The following HHAT variants were observed in gnomAD, a reference collection of about 807,000 sequenced individuals.
HHAT encodes protein-cysteine N-palmitoyltransferase HHAT.
Under a neutral mutation model 70.8 loss-of-function variants are expected in HHAT, and 47 were observed. The observed-to-expected ratio is 0.66, with a 90% CI of 0.53 to 0.85. HHAT has a LOEUF of 0.85. Among genes scored for constraint, HHAT ranks in the 40% least tolerant of loss-of-function variants. The pLI is 0.00. For missense variants in HHAT, 609 were observed against 604.8 expected, an observed-to-expected ratio of 1.01 and a Z score of -0.07; for synonymous variants, 228 against 247.6, an observed-to-expected ratio of 0.92 and a Z score of 0.74.
At chr1:210,457,408 A>G (rs1163413732) in intron 7 of HHAT, among the ~76,000 whole-genome samples, 1 of 152,226 alleles carries the variant, frequency 6.6e-6, no homozygotes, top group Non-Finnish European at 1.5e-5. Flanking sequence ...AATCTAGAGT[A>G]GGTTTGATGT....
intron 9 of HHAT, among the ~76,000 whole-genome samples, chr1:210,542,511 A>ATG (rs2095441421): frequency 6.6e-6 from 1 of 151,634 alleles, no homozygotes; most frequent in Non-Finnish European, 1.5e-5. Context: ...ATATATATAT[A>ATG]TATTGGTTGG....
intron 7 of HHAT, among the ~76,000 whole-genome samples, chr1:210,456,292 G>A (rs756161921): frequency 8.5e-5 from 13 of 152,242 alleles, no homozygotes; most frequent in South Asian, 6.2e-4. Context: ...CTTCTGACTC[G>A]TTGCCTTTTT....
At chr1:210,427,566 A>C (rs575304523) in intron 7 of HHAT, among the ~76,000 whole-genome samples, 89 of 152,238 alleles carry the variant, frequency 5.8e-4, no homozygotes, top group Non-Finnish European at 1.1e-3. Context: ...ATTTACCCAA[A>C]AGTCATTCAG....
At chr1:210,504,331 T>C (rs1158063859) in intron 8 of HHAT, among the ~76,000 whole-genome samples, 1 of 152,208 alleles carries the variant, frequency 6.6e-6, no homozygotes, top group East Asian at 1.9e-4. Flanking sequence ...TCTTGAAAAT[T>C]TGTAGAATGT....
At chr1:210,496,280 G>A (rs1021900587) in intron 8 of HHAT, among the ~76,000 whole-genome samples, 3 of 152,068 alleles carry the variant, frequency 2.0e-5, no homozygotes, top group African/African-American at 4.8e-5. Flanking sequence ...AGGCCTCAGC[G>A]TCTCACCACA....
intron 10 of HHAT, among the ~76,000 whole-genome samples, chr1:210,594,317 A>G (rs1261397007): frequency 6.6e-6 from 1 of 151,974 alleles, no homozygotes; most frequent in Non-Finnish European, 1.5e-5. Flanking sequence ...GTGTATCTGC[A>G]GTGTGTTTTT....
intron 2 of HHAT, among the ~76,000 whole-genome samples, chr1:210,352,945 T>C (rs543794669): frequency 5.9e-5 from 9 of 151,810 alleles, no homozygotes; most frequent in African/African-American, 2.2e-4. Flanking sequence ...TTTTTTTTTT[T>C]TTTAATAAGA....
chr1:210,334,670 TTTTTA>T (rs896256152), intron 1 of HHAT, among the ~76,000 whole-genome samples: 16 of 151,556 alleles, frequency 1.1e-4, no homozygotes, highest in African/African-American at 2.4e-4. Flanking sequence ...ACACCCTACC[TTTTTA>T]TTTTTTTATT....
intron 8 of HHAT, among the ~76,000 whole-genome samples, chr1:210,468,223 G>A (rs1024094521): frequency 1.1e-4 from 16 of 152,066 alleles, no homozygotes; most frequent in African/African-American, 2.9e-4. Flanking sequence ...AATTTAGATG[G>A]GCTGAGATCT....
At chr1:210,397,142 G>A (rs1396898739) in intron 4 of HHAT, among the ~76,000 whole-genome samples, 1 of 152,176 alleles carries the variant, frequency 6.6e-6, no homozygotes, top group Non-Finnish European at 1.5e-5. Context: ...AAGAAACTGG[G>A]TAAAGTATAC....
intron 8 of HHAT, among the ~76,000 whole-genome samples, chr1:210,479,438 C>T (rs2094357685): frequency 6.6e-6 from 1 of 152,202 alleles, no homozygotes; most frequent in African/African-American, 2.4e-5. Flanking sequence ...TGTTTAAAAA[C>T]ATTTCCACAT....
chr1:210,604,259 T>TG (rs1664909599), intron 10 of HHAT, among the ~76,000 whole-genome samples: 1 of 150,906 alleles, frequency 6.6e-6, no homozygotes, highest in Non-Finnish European at 1.5e-5. Context: ...TTTTTTTTTT[T>TG]GTATTTTTAG....
In HHAT at chr1:210,404,488, G is replaced by A. The variant is rs374048677; in HGVS notation, c.493G>A (p.Glu165Lys). ...VKRRWYKTEN[E>K]YYLLQFTLTV... ...GAGAAGGTGGTACAAGACAGAAAACGAGTACTACCTGCTGCAGTTCACGCT... is the reference window on the plus strand; with the variant it reads ...GAGAAGGTGGTACAAGACAGAAAACAAGTACTACCTGCTGCAGTTCACGCT... Residue 165 changes from glutamate (E) to lysine (K), a missense_variant, in exon 6 of 12, where the codon GAG becomes AAG. Glu to Lys is a moderately conservative substitution (Grantham distance 56). Transcript: ENST00000261458. The A allele has an allele frequency of 8.7e-6, 14 of 1,612,480 alleles. No individual in the cohort carries two copies. Among genetic ancestry groups the A allele is most frequent in the African/African-American group, 2.7e-5 (2 of 74,986 alleles).
chr1:210,654,526 C>T (rs1265246004), intron 11 of HHAT, among the ~76,000 whole-genome samples: 4 of 152,238 alleles, frequency 2.6e-5, no homozygotes, highest in Non-Finnish European at 5.9e-5. Flanking sequence ...CCCTGGGGTT[C>T]TGATTTATTG....
intron 7 of HHAT, among the ~76,000 whole-genome samples, chr1:210,441,466 C>G (rs980704826): frequency 6.6e-6 from 1 of 152,114 alleles, no homozygotes; most frequent in African/African-American, 2.4e-5. Flanking sequence ...CTCTGGCTGT[C>G]AAGTAGTTAC....
At position 210,587,324 on chromosome 1, in the gene HHAT, G is replaced by A. The variant is rs529606477; in HGVS notation, c.1044-574G>A. On this transcript the variant is annotated intron_variant, in intron 9 of 11. Coordinates refer to ENST00000261458, the MANE Select transcript of HHAT (RefSeq NM_018194.6). ...ATCTTACATGGCGCCAGGCCGGAGA[G>A]CATGTGCAGGGGAACTGCCCTTTAT... 4.5e-3 allele frequency among the ~76,000 whole-genome samples: 686 copies of A among 152,338 alleles called. 4 individuals are homozygous for A. Among genetic ancestry groups the A allele is most frequent in the Non-Finnish European group, 6.4e-3 (438 of 68,040 alleles).
rs186322713 is a variant in HHAT, at chr1:210,587,319, G to A, written c.1044-579G>A. On this transcript the variant is annotated intron_variant, in intron 9 of 11. Transcript: ENST00000261458. ...GGCACATCTTACATGGCGCCAGGCC[G>A]GAGAGCATGTGCAGGGGAACTGCCC... 1.2e-3 allele frequency among the ~76,000 whole-genome samples: 184 copies of A among 152,332 alleles called. 1 individual carries two copies. The highest frequency in any genetic ancestry group is 1.6e-3 in the African/African-American group (67 of 41,578).
chr1:210,644,339 A>G (rs1329928786), intron 11 of HHAT, among the ~76,000 whole-genome samples: 1 of 152,212 alleles, frequency 6.6e-6, no homozygotes, highest in Non-Finnish European at 1.5e-5. Context: ...GCTTTGACTC[A>G]TGCCTGTAAT....
intron 8 of HHAT, among the ~76,000 whole-genome samples, chr1:210,504,656 C>T (rs144704377): frequency 2.0e-5 from 3 of 152,272 alleles, no homozygotes; most frequent in Admixed American, 6.5e-5. Flanking sequence ...CCAGACCCTC[C>T]TTCCTGATGA....
Sources: allele counts gnomAD v4.1 joint callset (sites outside exome capture counted in the v4.1 genomes callset), GRCh38; gene constraint gnomAD v4.1.1; transcripts MANE v1.5; gene names NCBI Gene and HGNC (gene_info 2026-07-23, HGNC 2026-07-21).